Variants in PRKCH observed in about 807,000 individuals in gnomAD.
PRKCH encodes protein kinase C eta.
In PRKCH, 28 loss-of-function variants were observed where a neutral mutation model predicts 82.5. The ratio of observed to expected loss-of-function variants is 0.34; its 90% CI spans 0.25 to 0.47. The LOEUF is 0.47. Ranked by LOEUF, PRKCH falls within the 20% of genes least tolerant of loss-of-function variation. PRKCH has a pLI of 1.00. For synonymous variants in PRKCH, 322 were observed against 327.4 expected, an observed-to-expected ratio of 0.98 and a Z score of 0.18; for missense variants, 705 against 881.8, an observed-to-expected ratio of 0.80 and a Z score of 2.54.
chr14:61,304,703 A>G (rs923621864), intron 1 of PRKCH: 1 of 151,974 alleles, frequency 6.6e-6, no homozygotes, highest in African/African-American at 2.4e-5. Context: ...ATACACTCGT[A>G]GTCCTAGCTA....
chr14:61,293,495 A>C (rs760626887), intron 1 of PRKCH, among the ~76,000 whole-genome samples: 8 of 152,206 alleles, frequency 5.3e-5, no homozygotes, highest in Non-Finnish European at 8.8e-5. Context: ...ATCTTATCGC[A>C]GCACTAAAAT....
chr14:61,419,763 A>T (rs116612841), intron 2 of PRKCH, among the ~76,000 whole-genome samples: 1,770 of 152,320 alleles, frequency 0.012, 38 homozygotes, highest in African/African-American at 0.04. Flanking sequence ...AAAGAGCTAA[A>T]ATTAGACAAA....
At chr14:61,472,744 C>A (rs749141488) in intron 9 of PRKCH, among the ~76,000 whole-genome samples, 4 of 152,110 alleles carry the variant, frequency 2.6e-5, no homozygotes, top group Non-Finnish European at 4.4e-5. Flanking sequence ...AAAAGTAGAA[C>A]CTTAAATGCT....
Position 61,534,321 on chromosome 14 carries a change from A to G in PRKCH, c.1761+3726A>G, listed in dbSNP as rs535085319. Among the ~76,000 whole-genome samples the G allele has an allele frequency of 8.5e-5, 13 of 152,368 alleles. No individual in the cohort carries two copies. In the East Asian group the frequency reaches 2.5e-3, roughly 29 times the overall value. ...GAAGGTGGAAGCAACCCATGTGTCCATCAACAGATGAATAGATAAGTAAGA... is the reference window on the plus strand; with the variant it reads ...GAAGGTGGAAGCAACCCATGTGTCCGTCAACAGATGAATAGATAAGTAAGA... On this transcript the variant is annotated intron_variant, in intron 12 of 13. Transcript: ENST00000332981.
intron 10 of PRKCH, among the ~76,000 whole-genome samples, chr14:61,509,845 G>A (rs1887300317): frequency 5.9e-5 from 9 of 152,174 alleles, no homozygotes; most frequent in Admixed American, 5.9e-4. Flanking sequence ...AATCTGGGAG[G>A]CAGAGGTTGC....
At chr14:61,362,165 C>G (rs899763239) in intron 1 of PRKCH, among the ~76,000 whole-genome samples, 2 of 151,980 alleles carry the variant, frequency 1.3e-5, no homozygotes, top group Non-Finnish European at 2.9e-5. Flanking sequence ...AGCGATATTT[C>G]ATCTCTATGT....
chr14:61,311,759 C>T (rs978535399), intron 1 of PRKCH, among the ~76,000 whole-genome samples: 1 of 152,182 alleles, frequency 6.6e-6, no homozygotes, highest in African/African-American at 2.4e-5. Flanking sequence ...TCGGTTGGTG[C>T]AAAGTAATTG....
intron 7 of PRKCH, among the ~76,000 whole-genome samples, chr14:61,454,465 G>A (rs1476992273): frequency 1.3e-5 from 2 of 152,102 alleles, no homozygotes; most frequent in African/African-American, 4.8e-5. Context: ...TAAAACCCAG[G>A]ATCCTGGGTT....
intron 1 of PRKCH, among the ~76,000 whole-genome samples, chr14:61,369,194 G>A (rs1240851409): frequency 6.6e-6 from 1 of 152,134 alleles, no homozygotes; most frequent in Non-Finnish European, 1.5e-5. Context: ...TCAAGGTGTA[G>A]CTTGCATCAG....
chr14:61,226,658 T>C (rs2044698619), intron 1 of PRKCH, among the ~76,000 whole-genome samples: 1 of 152,230 alleles, frequency 6.6e-6, no homozygotes, highest in African/African-American at 2.4e-5. Context: ...GCATTGTATT[T>C]GGCAGTGGTT....
intron 1 of PRKCH, among the ~76,000 whole-genome samples, chr14:61,340,077 C>T (rs2045912733): frequency 6.7e-6 from 1 of 149,906 alleles, no homozygotes; most frequent in Non-Finnish European, 1.5e-5. Flanking sequence ...TGAGGTGGGG[C>T]ACAGTGTTTT....
At chr14:61,491,986 G>A (rs1466993243) in intron 10 of PRKCH, among the ~76,000 whole-genome samples, 1 of 152,224 alleles carries the variant, frequency 6.6e-6, no homozygotes, top group Non-Finnish European at 1.5e-5. Context: ...GTTAGGGAAA[G>A]ATGGAAGATT....
At chr14:61,545,550 G>A (rs1288211345) in intron 12 of PRKCH, among the ~76,000 whole-genome samples, 1 of 152,208 alleles carries the variant, frequency 6.6e-6, no homozygotes, top group African/African-American at 2.4e-5. Context: ...GTTTGTGTGT[G>A]TGTGTGTTTT....
intron 1 of PRKCH, among the ~76,000 whole-genome samples, chr14:61,293,595 T>A (rs199850427): frequency 7.2e-5 from 11 of 152,356 alleles, no homozygotes; most frequent in African/African-American, 2.4e-4. Context: ...AGATTTTTTT[T>A]AAAATTGTTA....
At chr14:61,472,597 A>C (rs1271739110) in intron 9 of PRKCH, among the ~76,000 whole-genome samples, 1 of 152,174 alleles carries the variant, frequency 6.6e-6, no homozygotes. Flanking sequence ...ATACCTTACC[A>C]GAGGATTGCT....
At position 61,280,148 on chromosome 14, in the gene PRKCH, C is replaced by T; in HGVS notation, c.-19+92480C>T. On this transcript the variant is annotated intron_variant, in intron 1 of 3. Coordinates refer to the PRKCH transcript ENST00000555185. This position sits in a 1 kb window ranked among gnomAD's most constrained non-coding sequence, Gnocchi z 5.0. The stretch of plus-strand genomic sequence containing the variant: ...TAGCGAATGTAGACGACCAGCATGA[C>T]AAAGCCGGTGAGGATGCAGAGGGAG... The T allele has an allele frequency of 3.7e-6, 6 of 1,614,030 alleles. No homozygotes were observed. The highest frequency in any genetic ancestry group is 4.2e-6 in the Non-Finnish European group (5 of 1,179,970).
At chr14:61,416,639 T>C (rs1882574061) in intron 2 of PRKCH, among the ~76,000 whole-genome samples, 1 of 151,970 alleles carries the variant, frequency 6.6e-6, no homozygotes, top group Non-Finnish European at 1.5e-5. Flanking sequence ...TTCCCAGCTC[T>C]CCCTCCTCTC....
intron 1 of PRKCH, among the ~76,000 whole-genome samples, chr14:61,194,271 C>T (rs1010045336): frequency 1.3e-5 from 2 of 152,118 alleles, no homozygotes; most frequent in Non-Finnish European, 2.9e-5. Flanking sequence ...CATTTAAGCC[C>T]ATTGCTATGG....
intron 9 of PRKCH, among the ~76,000 whole-genome samples, chr14:61,460,104 C>G (rs1884961297): frequency 6.6e-6 from 1 of 152,206 alleles, no homozygotes; most frequent in Non-Finnish European, 1.5e-5. Context: ...ACCTCAGTCA[C>G]TCAAAGTTCT....
Sources: gnomAD v4.1 joint callset for allele counts (sites outside exome capture counted in the v4.1 genomes callset) on GRCh38, gnomAD v4.1.1 for gene constraint, Gnocchi (gnomAD v3.1) non-coding constraint, MANE v1.5 for transcripts, NCBI Gene and HGNC (gene_info 2026-07-23, HGNC 2026-07-21) for gene names.